PHACTR2: variants seen among roughly 807,000 people sequenced by gnomAD.
The protein encoded by PHACTR2 is phosphatase and actin regulator 2, also known as chromosome 6 open reading frame 56.
In PHACTR2, 30 loss-of-function variants were observed where a neutral mutation model predicts 76.0. The observed-to-expected ratio is 0.39, with a 90% confidence interval of 0.30 to 0.54. PHACTR2 has a LOEUF of 0.54. PHACTR2 is among the 20% of genes least tolerant of loss of function. PHACTR2 has a pLI of 0.61. For synonymous variants in PHACTR2, 292 were observed against 292.5 expected (o/e 1.00, Z 0.02); for missense variants, 696 against 781.1 (o/e 0.89, Z 1.30).
Position 143,627,632 on chromosome 6 carries a change from CG to C in PHACTR2, c.13+19311del, listed in dbSNP as rs1776282959. Among the ~76,000 whole-genome samples, 1 of 146,156 alleles carries C rather than the reference CG, an allele frequency of 6.8e-6. No individual in the cohort carries two copies. The highest frequency in any genetic ancestry group is 6.9e-5 in the Admixed American group (1 of 14,558). On this transcript the variant is annotated intron_variant, in intron 1 of 11. Coordinates refer to the PHACTR2 transcript ENST00000305766. The surrounding 1 kb of genome is among the most constrained non-coding windows in gnomAD (Gnocchi z 4.3). ...TTTTTTTTTTTTTGAGAAGAAGTCT[CG>C]CTCTGTCACCCAGGCTGGAATGCAG...
At position 143,765,430 on chromosome 6, in the gene PHACTR2, T is replaced by G; in HGVS notation, c.864T>G (p.Ser288=). The change falls in exon 6 of 13, where the codon TCT becomes TCG. Residue 288 remains serine (S), a synonymous_variant. Coordinates refer to ENST00000440869, the MANE Select transcript of PHACTR2 (RefSeq NM_001100164.2). This position sits in a 1 kb window ranked among gnomAD's most constrained non-coding sequence, Gnocchi z 4.1. ...KRKTDKQPIT[S]HLSSDTTTSG... ...AAACTGACAAGCAGCCAATAACTTC[T>G]CACCTGTCCTCAGACACAACAACTT... is the stretch of plus-strand genomic sequence containing the variant. The G allele has an allele frequency of 6.2e-7, 1 of 1,614,174 alleles. No homozygotes were observed. Among genetic ancestry groups the G allele is most frequent in the Non-Finnish European group, 8.5e-7 (1 of 1,180,030 alleles).
rs567036576 is a variant in PHACTR2, at chr6:143,730,007, A to G, written c.214+17824A>G. Among the ~76,000 whole-genome samples, 7 of 152,258 alleles carry G rather than the reference A, an allele frequency of 4.6e-5. No individual in the cohort carries two copies. In the South Asian group the frequency reaches 1.2e-3, roughly 27 times the overall value. ...TATGTGGTCTATTTCTGGACTCACTATTTTATTCTCTTAATCTGTGTCTAT... is the reference window on the plus strand; with the variant it reads ...TATGTGGTCTATTTCTGGACTCACTGTTTTATTCTCTTAATCTGTGTCTAT... On this transcript the variant is annotated intron_variant, in intron 2 of 12. Transcript: ENST00000440869. The surrounding 1 kb of genome is among the most constrained non-coding windows in gnomAD (Gnocchi z 4.8).
intron 11 of PHACTR2, among the ~76,000 whole-genome samples, chr6:143,802,484 T>G (rs1775979706): frequency 6.6e-6 from 1 of 151,504 alleles, no homozygotes; most frequent in South Asian, 2.1e-4. Context: ...CACAAATTTT[T>G]TTTTTTTTTT....
intron 11 of PHACTR2, among the ~76,000 whole-genome samples, chr6:143,796,382 TC>T (rs1277858420): frequency 3.8e-5 from 1 of 26,160 alleles, no homozygotes; most frequent in African/African-American, 1.3e-4. Context: ...CTTTTTCTTT[TC>T]TTTCTTTCTT....
Position 143,583,446 on chromosome 6 carries a change from T to A in PHACTR2, c.217+46239T>A, listed in dbSNP as rs997233982. Among the ~76,000 whole-genome samples, 4 of 152,244 alleles carry A rather than the reference T, an allele frequency of 2.6e-5. No individual in the cohort carries two copies. The highest frequency in any genetic ancestry group is 5.9e-5 in the Non-Finnish European group (4 of 68,034). On this transcript the variant is annotated intron_variant, in intron 1 of 11. Coordinates refer to the PHACTR2 transcript ENST00000367584. This position sits in a 1 kb window ranked among gnomAD's most constrained non-coding sequence, Gnocchi z 4.0. ...CAAAGTTTATCCTAAAGTTGCTGAG[T>A]GACACAATGATATTTTTGTACTTAA...
In PHACTR2 at chr6:143,807,874, T is replaced by C. The variant is rs894364757; in HGVS notation, c.1922+741T>C. ...GGTGCCACTGTTCCTGCAGTCCCGG[T>C]GATGATGGTACTGTGTGCTGGGAGC... On this transcript the variant is annotated intron_variant, in intron 12 of 12. Coordinates refer to ENST00000440869, the MANE Select transcript of PHACTR2 (RefSeq NM_001100164.2). The surrounding 1 kb of genome is among the most constrained non-coding windows in gnomAD (Gnocchi z 5.5). 2.6e-5 allele frequency among the ~76,000 whole-genome samples: 4 copies of C among 152,156 alleles called. No individual in the cohort carries two copies. The South Asian group carries it at 8.3e-4, about 32-fold the overall frequency.
At chr6:143,542,420 C>G (rs1178741620) in intron 1 of PHACTR2, among the ~76,000 whole-genome samples, 1 of 152,144 alleles carries the variant, frequency 6.6e-6, no homozygotes, top group East Asian at 1.9e-4. Context: ...CCTGTTAAGT[C>G]AGGAGGTCCT....
At chr6:143,770,932 T>C (rs1775085778) in intron 6 of PHACTR2, among the ~76,000 whole-genome samples, 1 of 147,492 alleles carries the variant, frequency 6.8e-6, no homozygotes, top group South Asian at 2.1e-4. Flanking sequence ...TTTCTTTTTT[T>C]TTTTTTTTTG....
At chr6:143,706,934 G>A (rs1425814091) in intron 1 of PHACTR2, among the ~76,000 whole-genome samples, 10 of 152,080 alleles carry the variant, frequency 6.6e-5, no homozygotes, top group African/African-American at 9.7e-5. Context: ...TTGTACATCC[G>A]CCCTTGTTTA....
Position 143,591,050 on chromosome 6 carries a change from A to G in PHACTR2, c.217+53843A>G, listed in dbSNP as rs878947565. Among the ~76,000 whole-genome samples, 2 of 152,224 alleles carry G rather than the reference A, an allele frequency of 1.3e-5. No homozygotes were observed. Among genetic ancestry groups the G allele is most frequent in the Non-Finnish European group, 2.9e-5 (2 of 68,042 alleles). ...CTTGTATAAAAATACAGCATTTCTT[A>G]TGATAATTTTATGTAAGTATTTGAG... On this transcript the variant is annotated intron_variant, in intron 1 of 11. Transcript: ENST00000367584. The surrounding 1 kb of genome is among the most constrained non-coding windows in gnomAD (Gnocchi z 6.4).
intron 10 of PHACTR2, among the ~76,000 whole-genome samples, chr6:143,786,301 C>T (rs1205121305): frequency 1.3e-5 from 2 of 152,228 alleles, no homozygotes; most frequent in African/African-American, 4.8e-5. Context: ...ATAAGAGTCA[C>T]CTTTGCTCCA....
rs1343337164 is a variant in PHACTR2, at chr6:143,561,738, C to T, written c.217+24531C>T. 1 of 152,258 alleles carries T rather than the reference C, an allele frequency of 6.6e-6. No homozygotes were observed. The allele number at this position is 152,258 out of a possible 1,614,324, so 9.4% of individuals were successfully genotyped here. ...AAGGACAGGAATGGAGACTCCCAAA[C>T]TCATGGGGACAGCTTTGCTGAGTAC... On this transcript the variant is annotated intron_variant, in intron 1 of 11. Coordinates refer to the PHACTR2 transcript ENST00000367584. This position sits in a 1 kb window ranked among gnomAD's most constrained non-coding sequence, Gnocchi z 4.1.
At chr6:143,740,971 G>A (rs934844738) in intron 2 of PHACTR2, among the ~76,000 whole-genome samples, 14 of 152,220 alleles carry the variant, frequency 9.2e-5, no homozygotes, top group African/African-American at 3.4e-4. Flanking sequence ...TTGCTTAGCT[G>A]AGCGCAGTGG....
At chr6:143,686,270 C>T (rs1777517896) in intron 1 of PHACTR2, among the ~76,000 whole-genome samples, 1 of 151,868 alleles carries the variant, frequency 6.6e-6, no homozygotes, top group South Asian at 2.1e-4. Context: ...ACTTAATAGT[C>T]AAGCATCAAG....
chr6:143,629,079 T>C (rs1200241389), intron 1 of PHACTR2, among the ~76,000 whole-genome samples: 1 of 150,526 alleles, frequency 6.6e-6, no homozygotes, highest in African/African-American at 2.4e-5. Flanking sequence ...AAGATAATGG[T>C]GGTGAGTTAT....
At position 143,546,435 on chromosome 6, in the gene PHACTR2, T is replaced by C. The variant is rs1231839364; in HGVS notation, c.217+9228T>C. 6.6e-6 allele frequency among the ~76,000 whole-genome samples: 1 copy of C among 152,110 alleles called. No homozygotes were observed. The highest frequency in any genetic ancestry group is 1.5e-5 in the Non-Finnish European group (1 of 68,012). On this transcript the variant is annotated intron_variant, in intron 1 of 11. Coordinates refer to the PHACTR2 transcript ENST00000367584. The surrounding 1 kb of genome is among the most constrained non-coding windows in gnomAD (Gnocchi z 4.9). ...GGCAAGAATGTCAGAGGTACAATGCTTTGATTTTGGGTCCATAACTCACAT... is the reference window on the plus strand; with the variant it reads ...GGCAAGAATGTCAGAGGTACAATGCCTTGATTTTGGGTCCATAACTCACAT...
intron 2 of PHACTR2, among the ~76,000 whole-genome samples, chr6:143,740,508 T>TTA (rs112665368): frequency 1.6e-5 from 2 of 128,688 alleles, no homozygotes; most frequent in Non-Finnish European, 1.6e-5. Context: ...TCCTTTTAAT[T>TTA]AAAAAAAAAA....
chr6:143,777,867 G>A lies in PHACTR2; in HGVS notation c.1645+484G>A, dbSNP rs920762216. The stretch of plus-strand genomic sequence containing the variant: ...GCATTTTCCTATGTTATGATAACTC[G>A]GCTTCCTTCTTGAGTTGTTTATAAT... On this transcript the variant is annotated intron_variant, in intron 9 of 12. Transcript: ENST00000440869. The surrounding 1 kb of genome is among the most constrained non-coding windows in gnomAD (Gnocchi z 4.6). Among the ~76,000 whole-genome samples, 4 of 152,032 alleles carry A rather than the reference G, an allele frequency of 2.6e-5. No homozygotes were observed. Among genetic ancestry groups the A allele is most frequent in the African/African-American group, 4.8e-5 (2 of 41,378 alleles).
At chr6:143,718,797 T>C (rs1778361598) in intron 2 of PHACTR2, among the ~76,000 whole-genome samples, 1 of 152,164 alleles carries the variant, frequency 6.6e-6, no homozygotes, top group Non-Finnish European at 1.5e-5. Flanking sequence ...TGTTAAGGAT[T>C]GCTCTGGTTG....
Sources: allele counts gnomAD v4.1 joint callset (sites outside exome capture counted in the v4.1 genomes callset), GRCh38; gene constraint gnomAD v4.1.1; non-coding constraint Gnocchi (gnomAD v3.1); transcripts MANE v1.5; gene names NCBI Gene and HGNC (gene_info 2026-07-23, HGNC 2026-07-21).